The following SLC7A4 variants were observed in gnomAD, a reference collection of about 807,000 sequenced individuals.
SLC7A4 encodes cationic amino acid transporter 4.
SLC7A4 carries 30 observed loss-of-function variants against 37.8 expected under a neutral mutation model. The ratio of observed to expected loss-of-function variants is 0.79; its 90% CI spans 0.59 to 1.08. The LOEUF (loss-of-function observed/expected upper bound fraction) is 1.08. SLC7A4 is among the 50% of genes least tolerant of loss of function. SLC7A4 has a pLI of 0.00. For missense variants in SLC7A4, 839 were observed against 843.2 expected (o/e 1.00, Z 0.06); for synonymous variants, 359 against 376.5 (o/e 0.95, Z 0.54).
In SLC7A4 at chr22:21,030,849, C is replaced by T. The variant is rs1236990022; in HGVS notation, c.964G>A (p.Ala322Thr). Residue 322 changes from alanine to threonine, a missense_variant, in exon 2 of 5, where the codon GCA becomes ACA. Transcript: ENST00000382932. ...CTCTCACCGCAGATGGAGCCAGCTGCCACGATGAAGCCAGCCCACCTGTAG... is the reference window on the plus strand; with the variant it reads ...CTCTCACCGCAGATGGAGCCAGCTGTCACGATGAAGCCAGCCCACCTGTAG... ...RGYRWAGFIV[A>T]AGSICAMNTV... 6.3e-7 allele frequency: 1 copy of T among 1,593,516 alleles called. No individual in the cohort carries two copies. The highest frequency in any genetic ancestry group is 1.1e-5 in the South Asian group (1 of 87,334).
rs766662842 is a variant in SLC7A4, at chr22:21,030,832, G to C, written c.981C>G (p.Cys327Trp). Residue 327 changes from cysteine (C) to tryptophan (W), a missense_variant and splice_region_variant, in exon 2 of 5, where the codon TGC becomes TGG. Cys to Trp is a radical substitution (Grantham distance 215). Coordinates refer to ENST00000382932, the MANE Select transcript of SLC7A4 (RefSeq NM_004173.3). ...CCCTGCCCAGGAAGAGTCTCTCACCGCAGATGGAGCCAGCTGCCACGATGA... is the reference window on the plus strand; with the variant it reads ...CCCTGCCCAGGAAGAGTCTCTCACCCCAGATGGAGCCAGCTGCCACGATGA... ...AGFIVAAGSI[C>W]AMNTVLLSLL... is the part of the protein sequence containing the mutation. 1.9e-6 allele frequency: 3 copies of C among 1,575,912 alleles called. No homozygotes were observed. Among genetic ancestry groups the C allele is most frequent in the Non-Finnish European group, 2.6e-6 (3 of 1,161,178 alleles).
Position 21,031,727 on chromosome 22 carries a change from A to G in SLC7A4, c.86T>C (p.Met29Thr). The change falls in exon 2 of 5, where the codon ATG (methionine) becomes ACG (threonine). Residue 29 changes from methionine (M) to threonine (T), a missense_variant. Transcript: ENST00000382932. ...NRLKPLEDST[M>T]ETSLRRCLST... ...CAGGCAGCGCCGCAGTGACGTCTCC[A>G]TGGTGGAGTCCTCCAGCGGCTTCAG... 2 of 1,609,566 alleles carry G rather than the reference A, an allele frequency of 1.2e-6. No homozygotes were observed.
In SLC7A4 at chr22:21,031,573, C is replaced by T; in HGVS notation, c.240G>A (p.Val80=). 3 of 1,607,476 alleles carry T rather than the reference C, an allele frequency of 1.9e-6. No homozygotes were observed. Among genetic ancestry groups the T allele is most frequent in the South Asian group, 1.1e-5 (1 of 90,528 alleles). ...AVLLSFGVAA[V]ASLLAALCYA... Reference sequence around the variant, plus strand: ...AGCATAGGGCTGCCAGCAGGGAGGCCACAGCGGCCACACCGAAGGACAAGA... The same window carrying T: ...AGCATAGGGCTGCCAGCAGGGAGGCTACAGCGGCCACACCGAAGGACAAGA... Residue 80 remains valine (V), a synonymous_variant, in exon 2 of 5, where the codon GTG becomes GTA. Transcript: ENST00000382932.
Position 21,028,979 on chromosome 22 carries a change from A to AGGGGCTCTCGGCTTGTC in SLC7A4, c.*59_*75dup. The AGGGGCTCTCGGCTTGTC allele has an allele frequency of 6.8e-7, 1 of 1,468,908 alleles. No homozygotes were observed. The highest frequency in any genetic ancestry group is 9.1e-7 in the Non-Finnish European group (1 of 1,098,646). The allele number at this position is 1,468,908 out of a possible 1,614,324, so 91.0% of individuals were successfully genotyped here. Reference sequence around the variant, plus strand: ...GCAAACCCAGGCTGCCCACAACAGAAGGGGCTCTCGGCTTGTCTGGCCTCT... The same window carrying AGGGGCTCTCGGCTTGTC: ...GCAAACCCAGGCTGCCCACAACAGAAGGGGCTCTCGGCTTGTCGGGGCTCTCGGCTTGTCTGGCCTCT... On this transcript the variant is annotated 3_prime_UTR_variant, in exon 5 of 5. Transcript: ENST00000382932.
At position 21,029,303 on chromosome 22, in the gene SLC7A4, C is replaced by G. The variant is rs1358626333; in HGVS notation, c.1732+33G>C. On this transcript the variant is annotated intron_variant, in intron 4 of 4. Coordinates refer to ENST00000382932, the MANE Select transcript of SLC7A4 (RefSeq NM_004173.3). ...CCCTTCCTGTCCTCTTTGCCCTCCT[C>G]CTGACCCCGGTCCCAGCCTGGCCCC... The G allele has an allele frequency of 3.1e-6, 5 of 1,612,376 alleles. No homozygotes were observed. The South Asian group carries it at 4.4e-5, about 14-fold the overall frequency.
chr22:21,028,937 C>A lies in SLC7A4; in HGVS notation c.*118G>T, dbSNP rs1171724063. On this transcript the variant is annotated 3_prime_UTR_variant, in exon 5 of 5. Transcript: ENST00000382932. The stretch of plus-strand genomic sequence containing the variant: ...AAGGTCCTAAGGTCCTGAGGACTCC[C>A]CAGCCTGTGCAGGCCTGCAAACCCA... 1.8e-6 allele frequency: 2 copies of A among 1,111,604 alleles called. No homozygotes were observed. Among genetic ancestry groups the A allele is most frequent in the East Asian group, 2.6e-5 (1 of 38,784 alleles). 68.9% of individuals were successfully genotyped at this position (1,111,604 alleles called of 1,614,324 possible).
Position 21,029,340 on chromosome 22 carries a change from C to T in SLC7A4, c.1728G>A (p.Leu576=). The change falls in exon 4 of 5, where the codon CTG becomes CTA. Residue 576 remains leucine, a synonymous_variant. Transcript: ENST00000382932. ...CCCAGCCTGGCCCCCACTCACCCATCAGCAGCCAGATGGAGAAGCGCACCC... is the reference window on the plus strand; with the variant it reads ...CCCAGCCTGGCCCCCACTCACCCATTAGCAGCCAGATGGAGAAGCGCACCC... ...LTWVRFSIWL[L]MGLAVYFGYG... 6.2e-7 allele frequency: 1 copy of T among 1,613,530 alleles called. No individual in the cohort carries two copies. The highest frequency in any genetic ancestry group is 8.5e-7 in the Non-Finnish European group (1 of 1,179,688).
chr22:21,031,000 G>A lies in SLC7A4; in HGVS notation c.813C>T (p.Ala271=), dbSNP rs753833634. Residue 271 remains alanine, a synonymous_variant, in exon 2 of 5, where the codon GCC becomes GCT. Transcript: ENST00000382932. ...CTGCAATGGCAAGCGAGATGGCGAT[G>A]GCCAGAGGCACAGACCGCCGTGGGT... The part of the protein sequence containing the change: ...AQNPRRSVPL[A]IAISLAIAAG... 6.2e-7 allele frequency: 1 copy of A among 1,614,112 alleles called. No individual in the cohort carries two copies. Among genetic ancestry groups the A allele is most frequent in the Non-Finnish European group, 8.5e-7 (1 of 1,179,998 alleles).
Position 21,029,068 on chromosome 22 carries a change from C to T in SLC7A4, c.1895G>A (p.Gly632Asp). 1 of 1,609,002 alleles carries T rather than the reference C, an allele frequency of 6.2e-7. No individual in the cohort carries two copies. Among genetic ancestry groups the T allele is most frequent in the African/African-American group, 1.3e-5 (1 of 74,992 alleles). The change falls in exon 5 of 5, where the codon GGC becomes GAC. Residue 632 changes from glycine to aspartate, a missense_variant. Gly to Asp is a moderately conservative substitution (Grantham distance 94). Coordinates refer to ENST00000382932, the MANE Select transcript of SLC7A4 (RefSeq NM_004173.3). ...PPSQAPAQDP[G>D]HME ...TGGGCTGATCAGCTACTCCATATGG[C>T]CAGGGTCCTGTGCTGGTGCCTGGCT... is the stretch of plus-strand genomic sequence containing the variant.
In SLC7A4 at chr22:21,031,835, C is replaced by T. The variant is rs767165891; in HGVS notation, c.-23G>A. The T allele has an allele frequency of 2.7e-5, 40 of 1,469,824 alleles. No individual in the cohort carries two copies. The highest frequency in any genetic ancestry group is 4.9e-5 in the Admixed American group (2 of 40,598). The allele number at this position is 1,469,824 out of a possible 1,614,324, so 91.0% of individuals were successfully genotyped here. A position where few individuals can be genotyped will look rare whatever the true frequency, so the allele number is the denominator to read the frequency against. On this transcript the variant is annotated 5_prime_UTR_variant, in exon 2 of 5. Coordinates refer to ENST00000382932, the MANE Select transcript of SLC7A4 (RefSeq NM_004173.3). ...CATGGCAGGTGGCCGAGAAGAGCACCGAGCCAGCTACTGGAACCTGCTAGG... is the reference window on the plus strand; with the variant it reads ...CATGGCAGGTGGCCGAGAAGAGCACTGAGCCAGCTACTGGAACCTGCTAGG...
rs1473006304 is a variant in SLC7A4 at position 21,029,018 on chromosome 22, C to T, written c.*37G>A. The T allele has an allele frequency of 6.4e-7, 1 of 1,557,896 alleles. No homozygotes were observed. Among genetic ancestry groups the T allele is most frequent in the Non-Finnish European group, 8.7e-7 (1 of 1,154,766 alleles). ...TGTCTGGCCTCTCTGGCCTCCCAAG[C>T]AGGTGTGGGAGGGCGGGGCAAGTGT... On this transcript the variant is annotated 3_prime_UTR_variant, in exon 5 of 5. Transcript: ENST00000382932.
chr22:21,031,117 G>A lies in SLC7A4; in HGVS notation c.696C>T (p.Phe232=), dbSNP rs762094930. 5.1e-5 allele frequency: 83 copies of A among 1,613,750 alleles called. No homozygotes were observed. Among genetic ancestry groups the A allele is most frequent in the Non-Finnish European group, 6.7e-5 (79 of 1,179,916 alleles). The change falls in exon 2 of 5, where the codon TTC becomes TTT. Residue 232 remains phenylalanine, a synonymous_variant. Coordinates refer to ENST00000382932, the MANE Select transcript of SLC7A4 (RefSeq NM_004173.3). ...WSADEGGFAP[F]GFSGVMAGTA... ...TGCCGGCCATGACGCCGGAGAAGCCGAAGGGTGCAAAGCCGCCTTCGTCAG... is the reference window on the plus strand; with the variant it reads ...TGCCGGCCATGACGCCGGAGAAGCCAAAGGGTGCAAAGCCGCCTTCGTCAG...
Position 21,030,291 on chromosome 22 carries a change from G to C in SLC7A4, c.1043C>G (p.Ala348Gly), listed in dbSNP as rs1928843789. The change falls in exon 3 of 5, where the codon GCC (alanine) becomes GGC (glycine). Residue 348 changes from alanine to glycine, a missense_variant. Ala to Gly is a moderately conservative substitution (Grantham distance 60). Coordinates refer to ENST00000382932, the MANE Select transcript of SLC7A4 (RefSeq NM_004173.3). ...FSLPRIVYAM[A>G]ADGLFFQVFA... ...CACCTGGAAGAAGAGCCCATCGGCG[G>C]CCATGGCATAGACAATGCGTGGCAG... 1.9e-6 allele frequency: 3 copies of C among 1,613,612 alleles called. No homozygotes were observed. The highest frequency in any genetic ancestry group is 1.7e-6 in the Non-Finnish European group (2 of 1,179,936).
In SLC7A4 at chr22:21,031,761, G is replaced by C. The variant is rs1389067432; in HGVS notation, c.52C>G (p.Leu18Val). ...IASLARLCQK[L>V]NRLKPLEDST... ...TCCTCCAGCGGCTTCAGGCGGTTCAGCTTCTGGCATAAGCGTGCCAGGCTA... is the reference window on the plus strand; with the variant it reads ...TCCTCCAGCGGCTTCAGGCGGTTCACCTTCTGGCATAAGCGTGCCAGGCTA... Residue 18 changes from leucine to valine, a missense_variant, in exon 2 of 5, where the codon CTG becomes GTG. Coordinates refer to ENST00000382932, the MANE Select transcript of SLC7A4 (RefSeq NM_004173.3). 10 of 1,570,326 alleles carry C rather than the reference G, an allele frequency of 6.4e-6. No individual in the cohort carries two copies. Among genetic ancestry groups the C allele is most frequent in the Non-Finnish European group, 8.6e-6 (10 of 1,159,612 alleles).
rs1928888855 is a variant in SLC7A4 at position 21,031,633 on chromosome 22, A to T, written c.180T>A (p.Gly60=). Reference sequence around the variant, plus strand: ...GGCCAGCCACCTCCTTGGCCACGGCACCTGTGAGCACGTAGAGACCCGAGC... The same window carrying T: ...GGCCAGCCACCTCCTTGGCCACGGCTCCTGTGAGCACGTAGAGACCCGAGC... ...MVGSGLYVLT[G]AVAKEVAGPA... The change falls in exon 2 of 5, where the codon GGT becomes GGA. Residue 60 remains glycine (G), a synonymous_variant. Transcript: ENST00000382932. 6.2e-7 allele frequency: 1 copy of T among 1,610,528 alleles called. No homozygotes were observed.
Position 21,029,306 on chromosome 22 carries a change from G to T in SLC7A4, c.1732+30C>A. The T allele has an allele frequency of 2.5e-6, 4 of 1,611,746 alleles. 1 individual carries two copies. In the South Asian group the frequency reaches 3.3e-5, roughly 13 times the overall value. Reference sequence around the variant, plus strand: ...TTCCTGTCCTCTTTGCCCTCCTCCTGACCCCGGTCCCAGCCTGGCCCCCAC... The same window carrying T: ...TTCCTGTCCTCTTTGCCCTCCTCCTTACCCCGGTCCCAGCCTGGCCCCCAC... On this transcript the variant is annotated intron_variant, in intron 4 of 4. Transcript: ENST00000382932.
Position 21,028,926 on chromosome 22 carries a change from C to A in SLC7A4, c.*129G>T. On this transcript the variant is annotated 3_prime_UTR_variant, in exon 5 of 5. Transcript: ENST00000382932. ...GCCCCTGGATGAAGGTCCTAAGGTC[C>A]TGAGGACTCCCCAGCCTGTGCAGGC... is the stretch of plus-strand genomic sequence containing the variant. The A allele has an allele frequency of 4.1e-6, 4 of 967,036 alleles. 1 individual carries two copies. In the South Asian group the frequency reaches 5.2e-5, roughly 13 times the overall value. The allele number at this position is 967,036 out of a possible 1,614,324, so 59.9% of individuals were successfully genotyped here.
chr22:21,030,307 T>C lies in SLC7A4; in HGVS notation c.1027A>G (p.Ile343Val), dbSNP rs961253436. 7 of 1,611,988 alleles carry C rather than the reference T, an allele frequency of 4.3e-6. No individual in the cohort carries two copies. Among genetic ancestry groups the C allele is most frequent in the African/African-American group, 2.7e-5 (2 of 74,796 alleles). ...CCATCGGCGGCCATGGCATAGACAATGCGTGGCAGGGAGAAGAGGAGGCTG... is the reference window on the plus strand; with the variant it reads ...CCATCGGCGGCCATGGCATAGACAACGCGTGGCAGGGAGAAGAGGAGGCTG... ...LLSLLFSLPR[I>V]VYAMAADGLF... Residue 343 changes from isoleucine to valine, a missense_variant, in exon 3 of 5, where the codon ATT becomes GTT. Transcript: ENST00000382932.
Position 21,031,371 on chromosome 22 carries a change from T to A in SLC7A4, c.442A>T (p.Ser148Cys). 1.2e-6 allele frequency: 2 copies of A among 1,611,200 alleles called. No homozygotes were observed. Among genetic ancestry groups the A allele is most frequent in the Non-Finnish European group, 1.7e-6 (2 of 1,179,108 alleles). ...SGYLDSMFSH[S>C]IRNFTETHVG... ...TGGGTCTCAGTGAAGTTGCGGATGCTGTGGCTGAACATAGAGTCCAGGTAG... is the reference window on the plus strand; with the variant it reads ...TGGGTCTCAGTGAAGTTGCGGATGCAGTGGCTGAACATAGAGTCCAGGTAG... The change falls in exon 2 of 5, where the codon AGC becomes TGC. Residue 148 changes from serine to cysteine, a missense_variant. Transcript: ENST00000382932.
Sources: gnomAD v4.1 joint callset for allele counts on GRCh38, gnomAD v4.1.1 for gene constraint, MANE v1.5 for transcripts, NCBI Gene and HGNC (gene_info 2026-07-23, HGNC 2026-07-21) for gene names.